Variants in TP63 observed in about 807,000 individuals in gnomAD.
TP63 encodes tumor protein 63.
TP63 carries 17 observed loss-of-function variants against 82.8 expected under a neutral mutation model. That is an observed-to-expected ratio of 0.21 (90% CI 0.14 to 0.31). The LOEUF (loss-of-function observed/expected upper bound fraction) is 0.31, where lower values mean the gene tolerates loss of function less well. TP63 is among the 10% of genes least tolerant of loss of function. TP63 has a pLI of 1.00. For synonymous variants in TP63, 330 were observed against 321.7 expected, an observed-to-expected ratio of 1.03 and a Z score of -0.28; for missense variants, 648 against 895.3, an observed-to-expected ratio of 0.72 and a Z score of 3.52.
intron 3 of TP63, among the ~76,000 whole-genome samples, chr3:189,753,949 A>G (rs1489591479): frequency 6.6e-6 from 1 of 152,110 alleles, no homozygotes; most frequent in African/African-American, 2.4e-5. Context: ...TGGCTTTATA[A>G]CCCTCACACC....
rs547161662 is a variant in TP63, at chr3:189,823,218, T to C, written c.579+14692T>C. 2.0e-5 allele frequency among the ~76,000 whole-genome samples: 3 copies of C among 152,280 alleles called. No homozygotes were observed. The South Asian group carries it at 6.2e-4, about 32-fold the overall frequency. On this transcript the variant is annotated intron_variant, in intron 4 of 13. Transcript: ENST00000264731. The stretch of plus-strand genomic sequence containing the variant: ...CTTTCCCCAGGACAGTGACTCTTCT[T>C]TTCTCTCTGAAGCTGTGGTTCTATG...
rs974465254 is a variant in TP63, at chr3:189,649,468, A to G, written c.62+17891A>G. On this transcript the variant is annotated intron_variant, in intron 1 of 13. Transcript: ENST00000264731. ...ATGGAAACAACAGACACTGGGACCAATTGAAGGATAGAGGGTGAGAGGAAG... is the reference window on the plus strand; with the variant it reads ...ATGGAAACAACAGACACTGGGACCAGTTGAAGGATAGAGGGTGAGAGGAAG... Among the ~76,000 whole-genome samples the G allele has an allele frequency of 1.4e-5, 2 of 146,572 alleles. 1 individual carries two copies. Among genetic ancestry groups the G allele is most frequent in the East Asian group, 4.7e-4 (2 of 4,228 alleles).
the TP63 span, among the ~76,000 whole-genome samples, chr3:189,603,251 G>A: frequency 2.0e-5 from 3 of 152,064 alleles, no homozygotes; most frequent in Non-Finnish European, 4.4e-5. Flanking sequence ...GTGGATAGCT[G>A]TATCCTAGTC....
chr3:189,765,449 T>TTTTTTTTTTTTTTTTG, intron 3 of TP63, among the ~76,000 whole-genome samples: 1 of 119,276 alleles, frequency 8.4e-6, no homozygotes, highest in Non-Finnish European at 1.8e-5. Flanking sequence ...TTTTTTTTTT[T>TTTTTTTTTTTTTTTTG]TTTTTGAGAC....
At chr3:189,850,677 T>C (rs1715508352) in intron 4 of TP63, among the ~76,000 whole-genome samples, 1 of 152,034 alleles carries the variant, frequency 6.6e-6, no homozygotes, top group Non-Finnish European at 1.5e-5. Context: ...TGTATACATA[T>C]GTAACAAACC....
the TP63 span, among the ~76,000 whole-genome samples, chr3:189,621,580 C>CAT: frequency 1.7e-4 from 8 of 48,094 alleles, no homozygotes; most frequent in Non-Finnish European, 8.0e-4. Context: ...GCAATATATA[C>CAT]ATATACACAT....
At chr3:189,738,972 ATG>A (rs1720791010) in intron 3 of TP63, 198 bp downstream of exon 3, 2 of 697,822 alleles carry the variant, frequency 2.9e-6, no homozygotes, top group South Asian at 1.8e-5. Context: ...TCTATAATAT[ATG>A]TGTTTCCATC....
chr3:189,843,974 A>G (rs1024418510), intron 4 of TP63, among the ~76,000 whole-genome samples: 7 of 152,142 alleles, frequency 4.6e-5, no homozygotes, highest in Non-Finnish European at 1.0e-4. Context: ...CTTGAAAGAT[A>G]TTAGTGTTTT....
At chr3:189,846,335 A>C (rs1560251510) in intron 4 of TP63, among the ~76,000 whole-genome samples, 1 of 152,204 alleles carries the variant, frequency 6.6e-6, no homozygotes, top group Non-Finnish European at 1.5e-5. Flanking sequence ...TTTTATAAAA[A>C]GAAGGAGTTT....
At chr3:189,749,501 T>A (rs1379971765) in intron 3 of TP63, among the ~76,000 whole-genome samples, 2 of 152,138 alleles carry the variant, frequency 1.3e-5, no homozygotes, top group Non-Finnish European at 2.9e-5. Context: ...TATCATCTTA[T>A]GCCAGTTAGT....
the TP63 span, among the ~76,000 whole-genome samples, chr3:189,606,732 T>C: frequency 6.6e-6 from 1 of 151,992 alleles, no homozygotes; most frequent in Admixed American, 6.5e-5. Flanking sequence ...CTCCAACTCC[T>C]ACTCCTGGCC....
chr3:189,698,469 A>G (rs1371921030), intron 1 of TP63, among the ~76,000 whole-genome samples: 1 of 152,040 alleles, frequency 6.6e-6, no homozygotes, highest in African/African-American at 2.4e-5. Flanking sequence ...GCTATGTGTT[A>G]TTTCTCGAAG....
intron 10 of TP63, among the ~76,000 whole-genome samples, chr3:189,877,430 T>C (rs2108832924): frequency 6.6e-6 from 1 of 152,338 alleles, no homozygotes; most frequent in East Asian, 1.9e-4. Flanking sequence ...TTGTTAGTTG[T>C]TTTCCCTTAT....
At chr3:189,606,151 G>T in the TP63 span, among the ~76,000 whole-genome samples, 1 of 152,194 alleles carries the variant, frequency 6.6e-6, no homozygotes, top group Non-Finnish European at 1.5e-5. Flanking sequence ...TAACTCTGAT[G>T]CAGTTTCCAG....
intron 1 of TP63, among the ~76,000 whole-genome samples, chr3:189,632,613 G>A (rs1417458095): frequency 6.6e-6 from 1 of 152,080 alleles, no homozygotes; most frequent in Non-Finnish European, 1.5e-5. Context: ...AAGATAAATA[G>A]AATAAAGGAG....
At chr3:189,689,097 CCTTTTT>C (rs1158501334) in intron 1 of TP63, among the ~76,000 whole-genome samples, 527 of 18,058 alleles carry the variant, frequency 0.029, 110 homozygotes, top group African/African-American at 0.041. Context: ...TTCAAATCTA[CCTTTTT>C]CTTTTTTTTT....
intron 3 of TP63, among the ~76,000 whole-genome samples, chr3:189,741,382 T>C (rs887045658): frequency 6.6e-6 from 1 of 152,204 alleles, no homozygotes; most frequent in African/African-American, 2.4e-5. Context: ...TAATAGCTAG[T>C]GTTCTGGTTT....
At chr3:189,627,171 A>G (rs777355177), upstream of TP63, among the ~76,000 whole-genome samples, 16 of 152,166 alleles carry the variant, frequency 1.1e-4, no homozygotes, top group Non-Finnish European at 2.1e-4. Context: ...GCAGTCTTGG[A>G]AGAAAGAAGC....
At chr3:189,652,578 T>G (rs2108638310) in intron 1 of TP63, among the ~76,000 whole-genome samples, 1 of 146,934 alleles carries the variant, frequency 6.8e-6, no homozygotes, top group South Asian at 2.2e-4. Context: ...AGTTAAGACT[T>G]TGGAGGACTG....
Sources: gnomAD v4.1 joint callset for allele counts (sites outside exome capture counted in the v4.1 genomes callset) on GRCh38, gnomAD v4.1.1 for gene constraint, MANE v1.5 for transcripts, NCBI Gene and HGNC (gene_info 2026-07-23, HGNC 2026-07-21) for gene names.